Variants in CWF19L2 observed in about 807,000 individuals in gnomAD.
CWF19L2 encodes the protein CWF19-like protein 2.
CWF19L2 carries 98 observed loss-of-function variants against 111.7 expected under a neutral mutation model. That is an observed-to-expected ratio of 0.88 (90% CI 0.75 to 1.04). The LOEUF is 1.04. Among genes scored for constraint, CWF19L2 ranks in the 50% least tolerant of loss-of-function variants. The pLI is 0.00. For synonymous variants in CWF19L2, 351 were observed against 342.9 expected, an observed-to-expected ratio of 1.02 and a Z score of -0.26; for missense variants, 1,101 against 1,051.4, an observed-to-expected ratio of 1.05 and a Z score of -0.65.
intron 7 of CWF19L2, among the ~76,000 whole-genome samples, chr11:107,433,292 T>C (rs1163866447): frequency 1.3e-5 from 2 of 152,132 alleles, no homozygotes; most frequent in African/African-American, 4.8e-5. Flanking sequence ...ACCCAAACTC[T>C]AGAATATACC....
At chr11:107,328,210 T>C (rs953658540) in intron 17 of CWF19L2, among the ~76,000 whole-genome samples, 1 of 151,328 alleles carries the variant, frequency 6.6e-6, no homozygotes, top group Non-Finnish European at 1.5e-5. Flanking sequence ...GGGAATCTCC[T>C]GTCATCAGGG....
At chr11:107,419,705 C>A (rs969616492) in intron 8 of CWF19L2, among the ~76,000 whole-genome samples, 2 of 151,906 alleles carry the variant, frequency 1.3e-5, no homozygotes, top group Admixed American at 1.3e-4. Context: ...AATTAAGCTG[C>A]AGAAGTAGAG....
In CWF19L2 at chr11:107,376,201, A is replaced by G. The variant is rs1380134271; in HGVS notation, c.1872+13873T>C. ...ACCAGAGGTACAAGGAGGAACTGGT[A>G]CCATTCCTTCTGAAACTATTCCAAT... is the stretch of plus-strand genomic sequence containing the variant. On this transcript the variant is annotated intron_variant, in intron 12 of 17. Coordinates refer to ENST00000282251, the MANE Select transcript of CWF19L2 (RefSeq NM_152434.3). 1.6e-5 allele frequency among the ~76,000 whole-genome samples: 2 copies of G among 121,636 alleles called. 1 individual carries two copies. The highest frequency in any genetic ancestry group is 7.1e-5 in the African/African-American group (2 of 28,186). 79.8% of individuals were successfully genotyped at this position (121,636 alleles called of 152,430 possible). A position where few individuals can be genotyped will look rare whatever the true frequency, so the allele number is the denominator to read the frequency against.
intron 8 of CWF19L2, among the ~76,000 whole-genome samples, chr11:107,419,194 G>A (rs537306449): frequency 1.7e-4 from 26 of 152,288 alleles, no homozygotes; most frequent in African/African-American, 2.9e-4. Context: ...AGGAAATCAC[G>A]TAATTCAAAA....
At chr11:107,455,606 C>T (rs1236007863) in intron 2 of CWF19L2, 60 bp downstream of exon 2, 1 of 950,148 alleles carries the variant, frequency 1.1e-6, no homozygotes, top group African/African-American at 1.7e-5. Context: ...CCAATATTAA[C>T]TTGAATACGT....
chr11:107,421,178 T>C (rs1202396273), intron 8 of CWF19L2, among the ~76,000 whole-genome samples: 1 of 152,048 alleles, frequency 6.6e-6, no homozygotes, highest in Non-Finnish European at 1.5e-5. Flanking sequence ...GGAAACTAAA[T>C]AGCGCAACTG....
At chr11:107,422,110 AAG>A (rs1861310325) in intron 8 of CWF19L2, among the ~76,000 whole-genome samples, 1 of 152,076 alleles carries the variant, frequency 6.6e-6, no homozygotes, top group Admixed American at 6.6e-5. Flanking sequence ...ACAGACCAAA[AAG>A]AGTGCATAAT....
intron 12 of CWF19L2, among the ~76,000 whole-genome samples, chr11:107,361,229 G>T (rs1860329184): frequency 6.6e-6 from 1 of 152,176 alleles, no homozygotes; most frequent in Non-Finnish European, 1.5e-5. Flanking sequence ...CCCGGTGTAT[G>T]TTCGTGTCAA....
chr11:107,445,583 G>A (rs1182898581), intron 3 of CWF19L2, among the ~76,000 whole-genome samples: 3 of 144,442 alleles, frequency 2.1e-5, no homozygotes, highest in South Asian at 2.3e-4. Flanking sequence ...CAGCCTGGGG[G>A]ACAAGAGCAA....
intron 8 of CWF19L2, among the ~76,000 whole-genome samples, chr11:107,419,413 T>C (rs1861272900): frequency 6.6e-6 from 1 of 152,146 alleles, no homozygotes; most frequent in African/African-American, 2.4e-5. Flanking sequence ...CTCAACAAGG[T>C]AGTCTGTAAA....
chr11:107,424,849 G>T (rs551728580), intron 8 of CWF19L2, among the ~76,000 whole-genome samples: 1 of 151,966 alleles, frequency 6.6e-6, no homozygotes, highest in South Asian at 2.1e-4. Context: ...AGTAATAGGT[G>T]TCAAGTAAAG....
At chr11:107,441,751 T>C in intron 4 of CWF19L2, 129 bp from the exon 5 acceptor site, 2 of 824,098 alleles carry the variant, frequency 2.4e-6, no homozygotes, top group African/African-American at 1.8e-5. Flanking sequence ...AAACAAGTCC[T>C]ACATGGCTAT....
intron 4 of CWF19L2, 57 bp from the exon 5 acceptor site, chr11:107,441,679 C>A (rs1861621177): frequency 1.4e-6 from 2 of 1,421,384 alleles, no homozygotes; most frequent in African/African-American, 1.5e-5. Context: ...TCAATCTGAA[C>A]TGATTAGAAT....
At chr11:107,349,734 G>A (rs770289766) in intron 13 of CWF19L2, among the ~76,000 whole-genome samples, 1 of 151,704 alleles carries the variant, frequency 6.6e-6, no homozygotes, top group Admixed American at 6.6e-5. Flanking sequence ...GAAATATTTT[G>A]CATGGCAGAC....
chr11:107,344,138 A>C (rs1375157271), intron 14 of CWF19L2, among the ~76,000 whole-genome samples: 2 of 152,160 alleles, frequency 1.3e-5, no homozygotes, highest in Admixed American at 1.3e-4. Context: ...GATTGAACCC[A>C]GGAGGCAGAG....
At chr11:107,456,718 G>A (rs1861860741) in intron 1 of CWF19L2, among the ~76,000 whole-genome samples, 1 of 152,014 alleles carries the variant, frequency 6.6e-6, no homozygotes, top group African/African-American at 2.4e-5. Context: ...CTTTTCCCTG[G>A]GTGCATATAA....
At chr11:107,416,792 A>C (rs1019491402) in intron 9 of CWF19L2, among the ~76,000 whole-genome samples, 3 of 152,226 alleles carry the variant, frequency 2.0e-5, no homozygotes, top group Non-Finnish European at 4.4e-5. Flanking sequence ...GTAATACATT[A>C]AATAAGTAGA....
intron 8 of CWF19L2, among the ~76,000 whole-genome samples, chr11:107,420,757 TACA>T (rs1457999533): frequency 6.6e-6 from 1 of 152,100 alleles, no homozygotes; most frequent in Non-Finnish European, 1.5e-5. Context: ...ATAGTACAAT[TACA>T]ACAATATACT....
chr11:107,406,518 T>A (rs1861080271), intron 10 of CWF19L2, among the ~76,000 whole-genome samples: 1 of 152,214 alleles, frequency 6.6e-6, no homozygotes, highest in South Asian at 2.1e-4. Flanking sequence ...AGGCTACTAT[T>A]TAATTTGTAC....
Sources: allele counts gnomAD v4.1 joint callset (sites outside exome capture counted in the v4.1 genomes callset), GRCh38; gene constraint gnomAD v4.1.1; transcripts MANE v1.5; gene names NCBI Gene and HGNC (gene_info 2026-07-23, HGNC 2026-07-21).